MRPL19: variants seen among roughly 807,000 people sequenced by gnomAD.
MRPL19 encodes mitochondrial ribosomal protein L19.
In MRPL19, 31 loss-of-function variants were observed where a neutral mutation model predicts 34.0. The ratio of observed to expected loss-of-function variants is 0.91; its 90% CI spans 0.68 to 1.23. The LOEUF is 1.23. Among genes scored for constraint, MRPL19 ranks in the 50% most tolerant of loss-of-function variants. The probability of loss-of-function intolerance (pLI) is 0.00; values close to 1 mark genes in which losing one functional copy is unlikely to be tolerated. For synonymous variants in MRPL19, 152 were observed against 127.7 expected (o/e 1.19, Z -1.28); for missense variants, 384 against 367.6 (o/e 1.04, Z -0.37).
At position 75,658,220 on chromosome 2, in the gene MRPL19, C is replaced by T. The variant is rs765735166; in HGVS notation, c.*2935C>T. Among the ~76,000 whole-genome samples, 1 of 152,088 alleles carries T rather than the reference C, an allele frequency of 6.6e-6. No individual in the cohort carries two copies. The highest frequency in any genetic ancestry group is 1.9e-4 in the East Asian group (1 of 5,170). ...TAAGACTATAGGCACACATTAACTG[C>T]GCCTGGCTGATTTTGTTTTTTGTAG... is the stretch of plus-strand genomic sequence containing the variant. On this transcript the variant is annotated 3_prime_UTR_variant, in exon 6 of 6. Coordinates refer to ENST00000393909, the MANE Select transcript of MRPL19 (RefSeq NM_014763.4).
rs1678539292 is a variant in MRPL19 at position 75,659,104 on chromosome 2, CCTT to C, written c.*3823_*3825del. Reference sequence around the variant, plus strand: ...TTGGCCCCTCATTTCCTCTTTATGGCCTTCTTTTCTGTTTTTTTGTAGTGAACT... The same window carrying C: ...TTGGCCCCTCATTTCCTCTTTATGGCCTTTTCTGTTTTTTTGTAGTGAACT... On this transcript the variant is annotated 3_prime_UTR_variant, in exon 6 of 6. Coordinates refer to ENST00000393909, the MANE Select transcript of MRPL19 (RefSeq NM_014763.4). Among the ~76,000 whole-genome samples the C allele has an allele frequency of 6.6e-6, 1 of 151,890 alleles. No individual in the cohort carries two copies. Among genetic ancestry groups the C allele is most frequent in the Non-Finnish European group, 1.5e-5 (1 of 67,936 alleles).
intron 5 of MRPL19, 40 bp downstream of exon 5, chr2:75,654,957 A>G (rs1678411764): frequency 6.4e-7 from 1 of 1,558,206 alleles, no homozygotes; most frequent in Non-Finnish European, 8.7e-7. Context: ...TCAAGTATAA[A>G]ATAAGAAAGA....
chr2:75,654,594 T>C (rs1678397462), intron 4 of MRPL19, 142 bp from the exon 5 acceptor site: 1 of 648,096 alleles, frequency 1.5e-6, no homozygotes, highest in Admixed American at 3.3e-5. Flanking sequence ...GTAATCTTTA[T>C]CTTAAAAATT....
At chr2:75,651,036 T>C (rs993937966) in intron 2 of MRPL19, among the ~76,000 whole-genome samples, 12 of 152,158 alleles carry the variant, frequency 7.9e-5, no homozygotes, top group African/African-American at 2.2e-4. Flanking sequence ...AACAAGCTCT[T>C]ACTGTGCCTA....
At chr2:75,651,661 A>G (rs73936757) in intron 2 of MRPL19, 42 of 331,258 alleles carry the variant, frequency 1.3e-4, no homozygotes, top group East Asian at 5.3e-4. Flanking sequence ...TTAAAAGTCA[A>G]TTTATAATTA....
chr2:75,653,817 C>T (rs959531769), intron 4 of MRPL19, among the ~76,000 whole-genome samples: 3 of 152,188 alleles, frequency 2.0e-5, no homozygotes, highest in African/African-American at 7.2e-5. Flanking sequence ...GTGTTCCATT[C>T]ACAGTCTTTT....
intron 2 of MRPL19, 108 bp from the exon 3 acceptor site, chr2:75,652,034 G>T: frequency 1.7e-6 from 1 of 594,180 alleles, no homozygotes; most frequent in Non-Finnish European, 2.9e-6. Flanking sequence ...TTTAGACAAT[G>T]AAGAATAAAA....
chr2:75,657,396 G>A lies in MRPL19; in HGVS notation c.*2111G>A, dbSNP rs1461619334. On this transcript the variant is annotated 3_prime_UTR_variant, in exon 6 of 6. Coordinates refer to ENST00000393909, the MANE Select transcript of MRPL19 (RefSeq NM_014763.4). ...GTCTGTCCAGGAAGGAGATTGTCTA[G>A]GGGTCTGTCAGACAGCAGCTTTCAG... 6 of 152,002 alleles carry A rather than the reference G, an allele frequency of 3.9e-5. No homozygotes were observed. The highest frequency in any genetic ancestry group is 1.4e-4 in the African/African-American group (6 of 41,412). 9.4% of individuals were successfully genotyped at this position (152,002 alleles called of 1,614,324 possible).
intron 2 of MRPL19, among the ~76,000 whole-genome samples, chr2:75,650,523 C>T (rs773917080): frequency 1.3e-5 from 2 of 152,082 alleles, no homozygotes; most frequent in Non-Finnish European, 2.9e-5. Context: ...TATTCTAAAA[C>T]GAATACCTCA....
intron 2 of MRPL19, 71 bp from the exon 3 acceptor site, chr2:75,652,071 T>A: frequency 1.1e-6 from 1 of 873,162 alleles, no homozygotes; most frequent in Non-Finnish European, 1.8e-6. Context: ...TTAATTTCTT[T>A]GAAAAGCAAC....
rs1452521818 is a variant in MRPL19 at position 75,660,382 on chromosome 2, T to C, written c.*5097T>C. 2.0e-5 allele frequency: 3 copies of C among 152,328 alleles called. No homozygotes were observed. The East Asian group carries it at 5.8e-4, about 29-fold the overall frequency. The allele number at this position is 152,328 out of a possible 1,614,324, so 9.4% of individuals were successfully genotyped here. A position where few individuals can be genotyped will look rare whatever the true frequency, so the allele number is the denominator to read the frequency against. ...CAGGGATGGTTTTCATTATTTTGTT[T>C]TCAATGAGCCATACTTTCCTGTGTC... is the stretch of plus-strand genomic sequence containing the variant. On this transcript the variant is annotated 3_prime_UTR_variant, in exon 6 of 6. Transcript: ENST00000393909.
rs1377356597 is a variant in MRPL19 at position 75,646,867 on chromosome 2, A to T, written c.60A>T (p.Gln20His). 2 of 1,596,616 alleles carry T rather than the reference A, an allele frequency of 1.3e-6. No homozygotes were observed. Among genetic ancestry groups the T allele is most frequent in the Admixed American group, 3.5e-5 (2 of 57,474 alleles). ...CAATGGGCCTAGGCCGGAGTTTCCAAGCCGCCAGGACTCTGCTCCCCCCGC... is the reference window on the plus strand; with the variant it reads ...CAATGGGCCTAGGCCGGAGTTTCCATGCCGCCAGGACTCTGCTCCCCCCGC... ...WAAMGLGRSF[Q>H]AARTLLPPPA... Residue 20 changes from glutamine to histidine, a missense_variant, in exon 1 of 6, where the codon CAA becomes CAT. Physicochemically the swap from Gln to His is conservative, Grantham distance 24. Coordinates refer to ENST00000393909, the MANE Select transcript of MRPL19 (RefSeq NM_014763.4).
chr2:75,652,247 A>G lies in MRPL19; in HGVS notation c.327A>G (p.Pro109=). The stretch of plus-strand genomic sequence containing the variant: ...AAAGGAGAAAAGTACTCCACATTCC[A>G]GAGTTCTATGTTGGTCAGTAAGAGC... ...MLERRKVLHI[P]EFYVGSILRV... The change falls in exon 3 of 6, where the codon CCA becomes CCG. Residue 109 remains proline (P), a synonymous_variant. Transcript: ENST00000393909. 1 of 1,572,632 alleles carries G rather than the reference A, an allele frequency of 6.4e-7. No homozygotes were observed. Among genetic ancestry groups the G allele is most frequent in the Non-Finnish European group, 8.7e-7 (1 of 1,149,342 alleles).
rs780839011 is a variant in MRPL19, at chr2:75,646,943, G to A, written c.103+33G>A. On this transcript the variant is annotated intron_variant, in intron 1 of 5. Transcript: ENST00000393909. ...GAGCCGGACTTGCGAGCTGGGGCGC[G>A]TTAGGGGCCCAGGGTCAGGATGGGG... is the stretch of plus-strand genomic sequence containing the variant. 4 of 1,536,338 alleles carry A rather than the reference G, an allele frequency of 2.6e-6. No homozygotes were observed. In the South Asian group the frequency reaches 3.7e-5, roughly 14 times the overall value.
At chr2:75,652,730 G>A in intron 4 of MRPL19, 73 bp downstream of exon 4, 2 of 1,485,188 alleles carry the variant, frequency 1.3e-6, no homozygotes, top group Admixed American at 2.1e-5. Flanking sequence ...CTGCATCCTG[G>A]GATAAGAAAT....
At chr2:75,651,633 C>T (rs1431116809) in intron 2 of MRPL19, 3 of 358,788 alleles carry the variant, frequency 8.4e-6, no homozygotes, top group African/African-American at 4.3e-5. Flanking sequence ...GCCATCTTCT[C>T]TGATCAGGAA....
chr2:75,653,468 C>G, intron 4 of MRPL19, among the ~76,000 whole-genome samples: 1 of 152,164 alleles, frequency 6.6e-6, no homozygotes, highest in East Asian at 1.9e-4. Flanking sequence ...AGTTTCTACT[C>G]TACATGGTTC....
rs1373066959 is a variant in MRPL19 at position 75,659,494 on chromosome 2, A to T, written c.*4209A>T. On this transcript the variant is annotated 3_prime_UTR_variant, in exon 6 of 6. Coordinates refer to ENST00000393909, the MANE Select transcript of MRPL19 (RefSeq NM_014763.4). ...TTATTTCATTATATAGATTTGAGTT[A>T]CTGTCTAGTGCCCTTCCATTTCGGC... is the stretch of plus-strand genomic sequence containing the variant. Among the ~76,000 whole-genome samples the T allele has an allele frequency of 1.3e-5, 2 of 152,094 alleles. No homozygotes were observed. The highest frequency in any genetic ancestry group is 4.8e-5 in the African/African-American group (2 of 41,420).
chr2:75,655,272 C>T lies in MRPL19; in HGVS notation c.866C>T (p.Ser289Leu), dbSNP rs768402414. 1.1e-5 allele frequency: 17 copies of T among 1,611,576 alleles called. No individual in the cohort carries two copies. The highest frequency in any genetic ancestry group is 8.8e-5 in the South Asian group (8 of 90,760). Residue 289 changes from serine (S) to leucine (L), a missense_variant, in exon 6 of 6, where the codon TCG (serine) becomes TTG (leucine). By Grantham distance (145) the Ser-to-Leu change is moderately radical. Coordinates refer to ENST00000393909, the MANE Select transcript of MRPL19 (RefSeq NM_014763.4). ...GCAATATGGAAGGAAATTGAAGCGTCGAAAAGGTCTTGATTCTGAGAATGA... is the reference window on the plus strand; with the variant it reads ...GCAATATGGAAGGAAATTGAAGCGTTGAAAAGGTCTTGATTCTGAGAATGA... Reference protein sequence around the residue: ...EAAIWKEIEASKRS With the variant: ...EAAIWKEIEALKRS
Sources: allele counts gnomAD v4.1 joint callset (sites outside exome capture counted in the v4.1 genomes callset), GRCh38; gene constraint gnomAD v4.1.1; transcripts MANE v1.5; gene names NCBI Gene and HGNC (gene_info 2026-07-23, HGNC 2026-07-21).